The following TSHZ2 variants were observed in gnomAD, a reference collection of about 807,000 sequenced individuals.
TSHZ2 encodes the protein teashirt zinc finger homeobox 2.
In TSHZ2, 21 loss-of-function variants were observed where a neutral mutation model predicts 74.4. That is an observed-to-expected ratio of 0.28 (90% CI 0.20 to 0.41). TSHZ2 has a LOEUF of 0.41. TSHZ2 is among the 10% of genes least tolerant of loss of function. The pLI is 1.00. For synonymous variants in TSHZ2, 540 were observed against 515.3 expected (o/e 1.05, Z -0.65); for missense variants, 1,244 against 1,293.5 (o/e 0.96, Z 0.59).
intron 2 of TSHZ2, among the ~76,000 whole-genome samples, chr20:53,347,080 T>C (rs144950638): frequency 2.0e-5 from 3 of 152,192 alleles, no homozygotes; most frequent in Non-Finnish European, 4.4e-5. Flanking sequence ...TCCCTCACCC[T>C]ACCTTATACA....
chr20:53,133,688 C>A (rs193050171), intron 1 of TSHZ2, among the ~76,000 whole-genome samples: 6 of 152,192 alleles, frequency 3.9e-5, no homozygotes, highest in Admixed American at 3.9e-4. Flanking sequence ...AAACATCTAG[C>A]CATTCCAGTG....
intron 2 of TSHZ2, among the ~76,000 whole-genome samples, chr20:53,281,254 AAAT>A (rs1282927107): frequency 6.6e-6 from 1 of 152,206 alleles, no homozygotes; most frequent in Non-Finnish European, 1.5e-5. Context: ...GCTGAGACCT[AAAT>A]AATGAGAAGC....
intron 1 of TSHZ2, among the ~76,000 whole-genome samples, chr20:53,059,336 T>C (rs1984745596): frequency 6.6e-6 from 1 of 152,214 alleles, no homozygotes; most frequent in Non-Finnish European, 1.5e-5. Context: ...GCATAAACCT[T>C]TCTCACATGG....
At chr20:53,129,107 T>C (rs1025484064) in intron 1 of TSHZ2, among the ~76,000 whole-genome samples, 8 of 152,146 alleles carry the variant, frequency 5.3e-5, no homozygotes, top group South Asian at 2.1e-4. Context: ...AGTGAAACAT[T>C]GGTAAAATAG....
At chr20:53,331,297 C>T (rs1440052194) in intron 2 of TSHZ2, among the ~76,000 whole-genome samples, 1 of 152,174 alleles carries the variant, frequency 6.6e-6, no homozygotes, top group African/African-American at 2.4e-5. Flanking sequence ...AAGGTAGTAA[C>T]TAACCAGGGA....
intron 2 of TSHZ2, among the ~76,000 whole-genome samples, chr20:53,300,034 A>C (rs1217118014): frequency 1.3e-5 from 2 of 152,236 alleles, no homozygotes; most frequent in Non-Finnish European, 2.9e-5. Context: ...TGCTGTAACT[A>C]AGCCATCACA....
chr20:53,392,955 TC>T (rs1982313577), intron 2 of TSHZ2, among the ~76,000 whole-genome samples: 1 of 152,070 alleles, frequency 6.6e-6, no homozygotes, highest in Non-Finnish European at 1.5e-5. Flanking sequence ...TGCCTCAACC[TC>T]CCGAGTAGCT....
intron 1 of TSHZ2, among the ~76,000 whole-genome samples, chr20:53,001,217 T>TGC (rs1982409327): frequency 2.1e-5 from 3 of 142,948 alleles, no homozygotes; most frequent in African/African-American, 8.2e-5. Flanking sequence ...TGTGTGTGTG[T>TGC]GTGTGTGTGT....
At chr20:53,114,276 T>C (rs780417925) in intron 1 of TSHZ2, among the ~76,000 whole-genome samples, 6 of 152,178 alleles carry the variant, frequency 3.9e-5, no homozygotes, top group Admixed American at 6.5e-5. Flanking sequence ...AAAGCATCCA[T>C]GAAGAGACAA....
At position 53,386,224 on chromosome 20, in the gene TSHZ2, G is replaced by A. The variant is rs1029601950; in HGVS notation, c.*9-100920G>A. 3.3e-5 allele frequency among the ~76,000 whole-genome samples: 5 copies of A among 152,200 alleles called. No homozygotes were observed. The South Asian group carries it at 1.0e-3, about 31-fold the overall frequency. On this transcript the variant is annotated intron_variant, in intron 2 of 2. Coordinates refer to ENST00000371497, the MANE Select transcript of TSHZ2 (RefSeq NM_173485.6). ...TACTGTTTAGAAACACACAGAGGGG[G>A]CAAGAAAGAGAATAAATATGGAAAT...
intron 2 of TSHZ2, among the ~76,000 whole-genome samples, chr20:53,354,600 A>T (rs1160684728): frequency 6.6e-6 from 1 of 152,184 alleles, no homozygotes; most frequent in Non-Finnish European, 1.5e-5. Context: ...AACAAACATG[A>T]TTTAATTATA....
intron 1 of TSHZ2, among the ~76,000 whole-genome samples, chr20:53,111,310 A>G (rs894395523): frequency 6.6e-6 from 1 of 152,232 alleles, no homozygotes; most frequent in Non-Finnish European, 1.5e-5. Flanking sequence ...AAGAAGAACA[A>G]TTCATCACTG....
At chr20:53,240,570 C>T (rs564406977) in intron 1 of TSHZ2, among the ~76,000 whole-genome samples, 21 of 152,126 alleles carry the variant, frequency 1.4e-4, no homozygotes, top group Non-Finnish European at 2.2e-4. Flanking sequence ...TTTCCAGGAA[C>T]TCAGCCCATG....
chr20:53,133,353 A>G (rs1987157965), intron 1 of TSHZ2, among the ~76,000 whole-genome samples: 1 of 152,194 alleles, frequency 6.6e-6, no homozygotes, highest in Non-Finnish European at 1.5e-5. Context: ...GCAGTACATG[A>G]CAGACACAAG....
At chr20:53,415,052 G>A (rs764376598) in intron 2 of TSHZ2, among the ~76,000 whole-genome samples, 2 of 152,064 alleles carry the variant, frequency 1.3e-5, no homozygotes, top group Non-Finnish European at 2.9e-5. Flanking sequence ...TTCTAACTGC[G>A]AGCTTTACAA....
chr20:53,392,420 G>A (rs1982289935), intron 2 of TSHZ2, among the ~76,000 whole-genome samples: 1 of 152,158 alleles, frequency 6.6e-6, no homozygotes, highest in South Asian at 2.1e-4. Flanking sequence ...CTCCAGCCTG[G>A]GCAACAGAGC....
chr20:53,008,255 A>G (rs1224926534), intron 1 of TSHZ2, among the ~76,000 whole-genome samples: 1 of 152,216 alleles, frequency 6.6e-6, no homozygotes, highest in Non-Finnish European at 1.5e-5. Flanking sequence ...GCATTTCAGA[A>G]ATATGGTTAA....
chr20:53,472,790 G>C (rs1372703958), intron 2 of TSHZ2, among the ~76,000 whole-genome samples: 1 of 151,386 alleles, frequency 6.6e-6, no homozygotes, highest in Non-Finnish European at 1.5e-5. Flanking sequence ...GCGCAGGTCA[G>C]TGGGTGCGCG....
rs559000724 is a variant in TSHZ2 at position 53,464,560 on chromosome 20, C to T, written c.*9-22584C>T. Among the ~76,000 whole-genome samples the T allele has an allele frequency of 3.3e-4, 51 of 152,278 alleles. 1 individual carries two copies. Among genetic ancestry groups the T allele is most frequent in the African/African-American group, 1.2e-3 (50 of 41,566 alleles). Reference sequence around the variant, plus strand: ...TCCCTGCAGCCTCTACCTCCCAGCTCAAGTGATTCTCCTACCTCAGCCTCC... The same window carrying T: ...TCCCTGCAGCCTCTACCTCCCAGCTTAAGTGATTCTCCTACCTCAGCCTCC... On this transcript the variant is annotated intron_variant, in intron 2 of 2. Transcript: ENST00000371497.
Sources: allele counts gnomAD v4.1 joint callset (sites outside exome capture counted in the v4.1 genomes callset), GRCh38; gene constraint gnomAD v4.1.1; transcripts MANE v1.5; gene names NCBI Gene and HGNC (gene_info 2026-07-23, HGNC 2026-07-21).